Variants in TMEM132D observed in about 807,000 individuals in gnomAD.
TMEM132D encodes mature OL transmembrane protein.
A neutral mutation model predicts 62.3 loss-of-function variants in TMEM132D; 21 were observed. That is an observed-to-expected ratio of 0.34 (90% CI 0.24 to 0.49). The LOEUF is 0.49. Ranked by LOEUF, TMEM132D falls within the 20% of genes least tolerant of loss-of-function variation. The probability of loss-of-function intolerance (pLI) is 0.99; values close to 1 mark genes in which losing one functional copy is unlikely to be tolerated. For synonymous variants in TMEM132D, 621 were observed against 575.6 expected (o/e 1.08, Z -1.13); for missense variants, 1,346 against 1,402.8 (o/e 0.96, Z 0.65).
chr12:129,109,794 G>A, intron 5 of TMEM132D: 1 of 160,942 alleles, frequency 6.2e-6, no homozygotes, highest in East Asian at 1.8e-4. Flanking sequence ...TCCCCGTTTT[G>A]GGTATGTCTT....
intron 5 of TMEM132D, among the ~76,000 whole-genome samples, chr12:129,144,900 C>CTCTATCTATCTATCTATCTATCTATCTA (rs35319395): frequency 2.8e-4 from 43 of 150,972 alleles, no homozygotes; most frequent in African/African-American, 1.0e-3. Context: ...ATCTATCCTG[C>CTCTATCTATCTATCTATCTATCTATCTA]TCTATCTATC....
chr12:129,313,567 G>GTA (rs773684911), intron 4 of TMEM132D, among the ~76,000 whole-genome samples: 13 of 116,592 alleles, frequency 1.1e-4, no homozygotes, highest in African/African-American at 2.9e-4. Flanking sequence ...GTGTGTGTGT[G>GTA]TGTATATATA....
intron 1 of TMEM132D, among the ~76,000 whole-genome samples, chr12:129,881,421 T>C (rs191653303): frequency 4.4e-4 from 67 of 152,040 alleles, no homozygotes; most frequent in Non-Finnish European, 7.7e-4. Context: ...ACAACAAGCA[T>C]TGAGCAAGGT....
chr12:129,846,116 C>A (rs1873354339), intron 1 of TMEM132D, among the ~76,000 whole-genome samples: 1 of 152,190 alleles, frequency 6.6e-6, no homozygotes, highest in African/African-American at 2.4e-5. Flanking sequence ...AGTCTTCAAT[C>A]TGGTCCACAG....
intron 3 of TMEM132D, among the ~76,000 whole-genome samples, chr12:129,460,824 C>T (rs1299958172): frequency 1.3e-5 from 2 of 151,716 alleles, no homozygotes; most frequent in African/African-American, 4.8e-5. Context: ...TCATCAAGAA[C>T]TTTTTTTTTC....
At chr12:129,664,494 G>A (rs12302450) in intron 2 of TMEM132D, among the ~76,000 whole-genome samples, 35,857 of 138,964 alleles carry the variant, frequency 0.26, 4,706 homozygotes, top group African/African-American at 0.36. Context: ...GCACAATCTC[G>A]GCTCACTGCA....
chr12:129,591,736 T>G (rs1878197751), intron 2 of TMEM132D, among the ~76,000 whole-genome samples: 1 of 152,018 alleles, frequency 6.6e-6, no homozygotes, highest in Non-Finnish European at 1.5e-5. Context: ...ATGAGGGGGA[T>G]TATTTGCAAA....
intron 3 of TMEM132D, among the ~76,000 whole-genome samples, chr12:129,434,483 A>G (rs1016986327): frequency 4.6e-5 from 7 of 152,188 alleles, no homozygotes; most frequent in African/African-American, 9.7e-5. Context: ...GTTGTTCTAC[A>G]TAAAATTCTT....
At chr12:129,329,894 T>C (rs746933019) in intron 4 of TMEM132D, among the ~76,000 whole-genome samples, 2 of 152,182 alleles carry the variant, frequency 1.3e-5, no homozygotes, top group Non-Finnish European at 2.9e-5. Context: ...AAAAGGAAGT[T>C]CATTTTATTT....
At chr12:129,323,040 G>C (rs181048624) in intron 4 of TMEM132D, among the ~76,000 whole-genome samples, 32 of 152,298 alleles carry the variant, frequency 2.1e-4, no homozygotes, top group Admixed American at 9.8e-4. Context: ...TGCAGTTTAA[G>C]TATTTCCTTC....
intron 4 of TMEM132D, among the ~76,000 whole-genome samples, chr12:129,270,432 C>T (rs545194224): frequency 2.9e-4 from 44 of 152,216 alleles, no homozygotes; most frequent in African/African-American, 9.9e-4. Flanking sequence ...ATGACTGTAT[C>T]GTTATACAGG....
intron 5 of TMEM132D, among the ~76,000 whole-genome samples, chr12:129,125,933 C>G (rs1876199620): frequency 6.6e-6 from 1 of 152,160 alleles, no homozygotes; most frequent in South Asian, 2.1e-4. Flanking sequence ...ACAGAGTAAA[C>G]AGGGTGTTCC....
intron 3 of TMEM132D, among the ~76,000 whole-genome samples, chr12:129,487,936 CAAAAAAAAAAAA>C (rs58079383): frequency 1.8e-5 from 1 of 54,694 alleles, no homozygotes; most frequent in African/African-American, 8.1e-5. Flanking sequence ...GACTCCATCT[CAAAAAAAAAAAA>C]AAAAAAAAAA....
At chr12:129,458,753 G>A (rs909374212) in intron 3 of TMEM132D, among the ~76,000 whole-genome samples, 16 of 152,106 alleles carry the variant, frequency 1.1e-4, no homozygotes, top group Admixed American at 2.6e-4. Context: ...GCTCATATTC[G>A]GCCGATGCGC....
chr12:129,332,131 A>G (rs934944989), intron 4 of TMEM132D, among the ~76,000 whole-genome samples: 1 of 152,242 alleles, frequency 6.6e-6, no homozygotes. Flanking sequence ...GGTTACAGAT[A>G]AGCACTTGAT....
chr12:129,480,192 T>C (rs1232198092), intron 3 of TMEM132D, among the ~76,000 whole-genome samples: 2 of 152,096 alleles, frequency 1.3e-5, no homozygotes, highest in African/African-American at 2.4e-5. Context: ...GAAGCCCTAG[T>C]GTGTGCAAGG....
intron 1 of TMEM132D, among the ~76,000 whole-genome samples, chr12:129,806,480 G>A (rs1323699854): frequency 7.3e-6 from 1 of 137,610 alleles, no homozygotes; most frequent in African/African-American, 2.7e-5. Context: ...ACTCATAGGT[G>A]GGAATTGAAC....
At chr12:129,810,934 T>A (rs1425616309) in intron 1 of TMEM132D, among the ~76,000 whole-genome samples, 2 of 152,090 alleles carry the variant, frequency 1.3e-5, no homozygotes, top group African/African-American at 4.8e-5. Flanking sequence ...ATTGCGTGTC[T>A]AGAACATTCA....
chr12:129,762,837 G>A (rs1270796485), intron 1 of TMEM132D, among the ~76,000 whole-genome samples: 1 of 152,180 alleles, frequency 6.6e-6, no homozygotes, highest in East Asian at 1.9e-4. Flanking sequence ...TGTCTAATAT[G>A]TTTTGTACCA....
Sources: allele counts gnomAD v4.1 joint callset (sites outside exome capture counted in the v4.1 genomes callset), GRCh38; gene constraint gnomAD v4.1.1; transcripts MANE v1.5; gene names NCBI Gene and HGNC (gene_info 2026-07-23, HGNC 2026-07-21).